NME7: variants seen among roughly 807,000 people sequenced by gnomAD.
NME7 encodes nucleoside diphosphate kinase 7.
In NME7, 41 loss-of-function variants were observed where a neutral mutation model predicts 49.1. That is an observed-to-expected ratio of 0.83 (90% CI 0.65 to 1.08). NME7 has a LOEUF of 1.08. Among genes scored for constraint, NME7 ranks in the 50% least tolerant of loss-of-function variants. The pLI is 0.00. For synonymous variants in NME7, 139 were observed against 150.6 expected, an observed-to-expected ratio of 0.92 and a Z score of 0.56; for missense variants, 423 against 463.4, an observed-to-expected ratio of 0.91 and a Z score of 0.80.
In NME7 at chr1:169,190,798, C is replaced by CTTTTTTTTTT. The variant is rs1157694915; in HGVS notation, c.991-21254_991-21245dup. The CTTTTTTTTTT allele has an allele frequency of 1.5e-4, 12 of 79,424 alleles. 1 individual carries two copies. Among genetic ancestry groups the CTTTTTTTTTT allele is most frequent in the Admixed American group, 3.9e-4 (2 of 5,092 alleles). The allele number at this position is 79,424 out of a possible 1,614,324, so 4.9% of individuals were successfully genotyped here. On this transcript the variant is annotated intron_variant, in intron 10 of 11. Transcript: ENST00000367811. ...CAGGAAGGAAGCAAGTGAACTGTTT[C>CTTTTTTTTTT]TTTTTTTTTTTTTTTTTTTTTTTTT...
At chr1:169,274,049 C>A (rs1161572149) in intron 7 of NME7, among the ~76,000 whole-genome samples, 1 of 131,028 alleles carries the variant, frequency 7.6e-6, no homozygotes, top group Admixed American at 7.6e-5. Flanking sequence ...ACACTGACTT[C>A]CACAATGGTT....
rs1220823190 is a variant in NME7, at chr1:169,256,255, A to G, written c.755-18568T>C. Among the ~76,000 whole-genome samples the G allele has an allele frequency of 3.8e-5, 5 of 132,038 alleles. 1 individual carries two copies. The highest frequency in any genetic ancestry group is 8.9e-5 in the Non-Finnish European group (5 of 56,204). The allele number at this position is 132,038 out of a possible 152,430, so 86.6% of individuals were successfully genotyped here. A position where few individuals can be genotyped will look rare whatever the true frequency, so the allele number is the denominator to read the frequency against. On this transcript the variant is annotated intron_variant, in intron 7 of 11. Transcript: ENST00000367811. ...TAGTCCCATATTTCTTGGAGGCTTT[A>G]CTCATTTCTTTGTATTCTTTTTTCT...
Position 169,298,645 on chromosome 1 carries a change from C to G in NME7, c.559G>C (p.Asp187His). Residue 187 changes from aspartate to histidine, a missense_variant, in exon 6 of 12, where the codon GAT (aspartate) becomes CAT (histidine). Transcript: ENST00000367811. Reference sequence around the variant, plus strand: ...AGGGCTCTAATGCTTTCAGAAGCATCTGTGCGTGCCACTCCAGAGTTTGCA... The same window carrying G: ...AGGGCTCTAATGCTTTCAGAAGCATGTGTGCGTGCCACTCCAGAGTTTGCA... ...GPANSGVARTDASESIRALFG... is the reference protein window; with the variant it reads ...GPANSGVARTHASESIRALFG... 6.2e-7 allele frequency: 1 copy of G among 1,613,980 alleles called. No individual in the cohort carries two copies. Among genetic ancestry groups the G allele is most frequent in the Non-Finnish European group, 8.5e-7 (1 of 1,179,904 alleles).
Position 169,202,912 on chromosome 1 carries a change from A to G in NME7, c.990+27806T>C, listed in dbSNP as rs1299623084. Among the ~76,000 whole-genome samples the G allele has an allele frequency of 3.5e-5, 5 of 143,084 alleles. No individual in the cohort carries two copies. The East Asian group carries it at 1.2e-3, about 35-fold the overall frequency. The allele number at this position is 143,084 out of a possible 152,430, so 93.9% of individuals were successfully genotyped here. On this transcript the variant is annotated intron_variant, in intron 10 of 11. Transcript: ENST00000367811. ...TGGCATGGGTATGCACAGTAGGCCAATGTGTATGAAACATGTGTCCCATTG... is the reference window on the plus strand; with the variant it reads ...TGGCATGGGTATGCACAGTAGGCCAGTGTGTATGAAACATGTGTCCCATTG...
chr1:169,266,828 G>T lies in NME7; in HGVS notation c.754+20475C>A, dbSNP rs993842740. On this transcript the variant is annotated intron_variant, in intron 7 of 11. Transcript: ENST00000367811. ...CACACCTGTAATCCCAGGACTTTGG[G>T]AGGCCGAGACAGGTGGATCACTTGA... Among the ~76,000 whole-genome samples, 13 of 133,266 alleles carry T rather than the reference G, an allele frequency of 9.8e-5. 3 individuals are homozygous for T. The highest frequency in any genetic ancestry group is 7.6e-3 in the Middle Eastern group (2 of 262). The allele number at this position is 133,266 out of a possible 152,430, so 87.4% of individuals were successfully genotyped here. A position where few individuals can be genotyped will look rare whatever the true frequency, so the allele number is the denominator to read the frequency against.
chr1:169,185,713 C>G (rs1660045561), intron 10 of NME7, among the ~76,000 whole-genome samples: 1 of 152,160 alleles, frequency 6.6e-6, no homozygotes, highest in Non-Finnish European at 1.5e-5. Context: ...GTCTGTCCCT[C>G]TGTAAGAGCA....
intron 1 of NME7, among the ~76,000 whole-genome samples, chr1:169,358,884 T>G (rs1261779335): frequency 6.6e-6 from 1 of 152,126 alleles, no homozygotes; most frequent in African/African-American, 2.4e-5. Flanking sequence ...AAAATGCACA[T>G]GACCTCTCGC....
chr1:169,288,412 T>C (rs189815372), intron 6 of NME7, among the ~76,000 whole-genome samples: 3 of 152,136 alleles, frequency 2.0e-5, no homozygotes, highest in Non-Finnish European at 4.4e-5. Context: ...AACCTGCTTA[T>C]AGGAAAAGTC....
chr1:169,332,428 A>G (rs1571396326), intron 1 of NME7, among the ~76,000 whole-genome samples: 1 of 152,186 alleles, frequency 6.6e-6, no homozygotes, highest in Non-Finnish European at 1.5e-5. Flanking sequence ...TTCTTGAGCA[A>G]TGCCCCACAA....
At chr1:169,312,304 G>A (rs1195574239) in intron 3 of NME7, among the ~76,000 whole-genome samples, 1 of 152,080 alleles carries the variant, frequency 6.6e-6, no homozygotes, top group Admixed American at 6.5e-5. Context: ...ATTATCAAGT[G>A]TCCCCTTGAG....
intron 10 of NME7, among the ~76,000 whole-genome samples, chr1:169,203,608 G>A (rs1660604753): frequency 2.0e-5 from 3 of 152,194 alleles, no homozygotes; most frequent in Non-Finnish European, 2.9e-5. Flanking sequence ...CTCAGTCTCC[G>A]TAGAATGGCC....
intron 10 of NME7, among the ~76,000 whole-genome samples, chr1:169,209,202 G>A (rs1660750842): frequency 6.6e-6 from 1 of 151,980 alleles, no homozygotes; most frequent in Non-Finnish European, 1.5e-5. Flanking sequence ...TCAAAGACTA[G>A]GGGGTTCCAA....
chr1:169,304,388 T>A (rs2101913809), intron 4 of NME7, among the ~76,000 whole-genome samples: 1 of 152,326 alleles, frequency 6.6e-6, no homozygotes, highest in South Asian at 2.1e-4. Context: ...GCTTGAGAAT[T>A]CATTTGATAT....
chr1:169,168,429 G>A (rs562893339), intron 11 of NME7, among the ~76,000 whole-genome samples: 11 of 127,728 alleles, frequency 8.6e-5, no homozygotes, highest in Non-Finnish European at 1.6e-4. Flanking sequence ...CTCCTTCCCC[G>A]CCTTTTTTGG....
chr1:169,251,739 T>C (rs1440142445), intron 7 of NME7, among the ~76,000 whole-genome samples: 3 of 124,516 alleles, frequency 2.4e-5, no homozygotes, highest in Non-Finnish European at 4.8e-5. Context: ...GTCCCCAGAG[T>C]GTGATATTCC....
intron 7 of NME7, among the ~76,000 whole-genome samples, chr1:169,279,191 C>T (rs1571349895): frequency 6.6e-6 from 1 of 152,290 alleles, no homozygotes; most frequent in East Asian, 1.9e-4. Flanking sequence ...CCCCTGGGTG[C>T]TGGGAGAACC....
intron 1 of NME7, among the ~76,000 whole-genome samples, chr1:169,335,958 T>C (rs1432268660): frequency 6.6e-6 from 1 of 151,966 alleles, no homozygotes; most frequent in Non-Finnish European, 1.5e-5. Context: ...TGGTGGGTTC[T>C]TGGTCTCACC....
intron 10 of NME7, among the ~76,000 whole-genome samples, chr1:169,188,680 A>G (rs1435085305): frequency 6.6e-6 from 1 of 152,236 alleles, no homozygotes; most frequent in Non-Finnish European, 1.5e-5. Context: ...GAACAGGTAT[A>G]GAAGATTGCT....
chr1:169,166,624 A>G (rs3820053), intron 11 of NME7, among the ~76,000 whole-genome samples: 56,398 of 152,048 alleles, frequency 0.37, 11,038 homozygotes, highest in East Asian at 0.73. Context: ...TGTCACTGAA[A>G]GTCCCACTTG....
Sources: allele counts gnomAD v4.1 joint callset (sites outside exome capture counted in the v4.1 genomes callset), GRCh38; gene constraint gnomAD v4.1.1; transcripts MANE v1.5; gene names NCBI Gene and HGNC (gene_info 2026-07-23, HGNC 2026-07-21).